The following HDAC2 variants were observed in gnomAD, a reference collection of about 807,000 sequenced individuals.
The protein encoded by HDAC2 is histone deacetylase 2, also known as YY1-associated factor 1.
A neutral mutation model predicts 68.5 loss-of-function variants in HDAC2; 5 were observed. The observed-to-expected ratio is 0.07, with a 90% CI of 0.04 to 0.15. The LOEUF is 0.15. Ranked by LOEUF, HDAC2 falls within the 10% of genes least tolerant of loss-of-function variation. The pLI is 1.00. For missense variants in HDAC2, 291 were observed against 600.8 expected (o/e 0.48, Z 5.39); for synonymous variants, 182 against 191.3 (o/e 0.95, Z 0.40).
In HDAC2 at chr6:113,937,651, C is replaced by A. The variant is rs1405716041; in HGVS notation, c.*3407G>T. The A allele has an allele frequency of 6.6e-6, 1 of 152,306 alleles. No homozygotes were observed. Among genetic ancestry groups the A allele is most frequent in the Non-Finnish European group, 1.5e-5 (1 of 68,170 alleles). 9.4% of individuals were successfully genotyped at this position (152,306 alleles called of 1,614,324 possible). A position where few individuals can be genotyped will look rare whatever the true frequency, so the allele number is the denominator to read the frequency against. On this transcript the variant is annotated 3_prime_UTR_variant, in exon 14 of 14. Coordinates refer to ENST00000519065, the MANE Select transcript of HDAC2 (RefSeq NM_001527.4). ...TCGCTTGAGCCTAGGAGTTTGTGACCAGCCTGGGCAACACAGGGAGACACC... is the reference window on the plus strand; with the variant it reads ...TCGCTTGAGCCTAGGAGTTTGTGACAAGCCTGGGCAACACAGGGAGACACC...
intron 1 of HDAC2, among the ~76,000 whole-genome samples, chr6:113,962,777 CATT>C (rs1253874350): frequency 2.6e-5 from 4 of 151,594 alleles, no homozygotes; most frequent in Admixed American, 2.0e-4. Context: ...TCCTGACAAA[CATT>C]GTGAAACCCC....
intron 1 of HDAC2, 51 bp from the exon 2 acceptor site, chr6:113,960,069 G>A: frequency 3.4e-6 from 3 of 880,644 alleles, no homozygotes; most frequent in Non-Finnish European, 3.8e-6. Flanking sequence ...GACCCTCCAT[G>A]AACTATTTGA....
At chr6:113,941,238 A>T (rs1317391662) in intron 13 of HDAC2, 150 bp from the exon 14 acceptor site, 1 of 489,148 alleles carries the variant, frequency 2.0e-6, no homozygotes, top group Non-Finnish European at 3.5e-6. Flanking sequence ...TTAATGCCTT[A>T]ATTTTTCTAG....
rs1006901584 is a variant in HDAC2, at chr6:113,938,287, C to T, written c.*2771G>A. ...TATGTATTTGTTTCCCAGTTCACAT[C>T]CTTATACATTTTGTTCCTCTACTAT... On this transcript the variant is annotated 3_prime_UTR_variant, in exon 14 of 14. Transcript: ENST00000519065. 7.2e-5 allele frequency: 11 copies of T among 152,334 alleles called. No individual in the cohort carries two copies. Among genetic ancestry groups the T allele is most frequent in the African/African-American group, 2.6e-4 (11 of 41,580 alleles). 9.4% of individuals were successfully genotyped at this position (152,334 alleles called of 1,614,324 possible).
At chr6:113,955,154 T>C (rs1197347803) in intron 5 of HDAC2, among the ~76,000 whole-genome samples, 3 of 152,208 alleles carry the variant, frequency 2.0e-5, no homozygotes, top group Non-Finnish European at 4.4e-5. Context: ...AAAATGAAAA[T>C]TGCCAAACTA....
At position 113,945,484 on chromosome 6, in the gene HDAC2, T is replaced by C. The variant is rs1056245188; in HGVS notation, c.983-14A>G. 2 of 1,184,936 alleles carry C rather than the reference T, an allele frequency of 1.7e-6. No individual in the cohort carries two copies. The highest frequency in any genetic ancestry group is 2.5e-6 in the Non-Finnish European group (2 of 791,464). 73.4% of individuals were successfully genotyped at this position (1,184,936 alleles called of 1,614,324 possible). A position where few individuals can be genotyped will look rare whatever the true frequency, so the allele number is the denominator to read the frequency against. On this transcript the variant is annotated splice_polypyrimidine_tract_variant and intron_variant, in intron 9 of 13. Transcript: ENST00000519065. Reference sequence around the variant, plus strand: ...TATATGGCAACTCTAATGAAAACAATAAAATAAAGTTACATATTACAAGCT... The same window carrying C: ...TATATGGCAACTCTAATGAAAACAACAAAATAAAGTTACATATTACAAGCT...
At position 113,935,390 on chromosome 6, in the gene HDAC2, C is replaced by T. The variant is rs921223506; in HGVS notation, c.*5668G>A. 5.3e-5 allele frequency: 8 copies of T among 152,180 alleles called. No homozygotes were observed. The highest frequency in any genetic ancestry group is 4.6e-4 in the Admixed American group (7 of 15,278). The allele number at this position is 152,180 out of a possible 1,614,324, so 9.4% of individuals were successfully genotyped here. On this transcript the variant is annotated 3_prime_UTR_variant, in exon 14 of 14. Transcript: ENST00000519065. ...CTCTTTTACTTTAGGAATTGCCTGT[C>T]CGTACTTTCCTTTAAAAGTTTTACC...
chr6:113,950,069 T>C (rs537398381), intron 6 of HDAC2, among the ~76,000 whole-genome samples: 1 of 152,080 alleles, frequency 6.6e-6, no homozygotes, highest in South Asian at 2.1e-4. Flanking sequence ...GCGTGAGCTA[T>C]GGTGCCCAGC....
rs1239153189 is a variant in HDAC2, at chr6:113,971,124, A to G, written c.-216T>C. 2 of 1,531,958 alleles carry G rather than the reference A, an allele frequency of 1.3e-6. No homozygotes were observed. Among genetic ancestry groups the G allele is most frequent in the African/African-American group, 1.4e-5 (1 of 72,448 alleles). 94.9% of individuals were successfully genotyped at this position (1,531,958 alleles called of 1,614,324 possible). On this transcript the variant is annotated 5_prime_UTR_variant, in exon 1 of 14. Coordinates refer to ENST00000519065, the MANE Select transcript of HDAC2 (RefSeq NM_001527.4). The stretch of plus-strand genomic sequence containing the variant: ...CCGAAAGCTCGGAATCGGAGGTGGC[A>G]GCGGCACCAACTCGCGAGGAGGGGG...
At chr6:113,959,108 C>G (rs1232990347) in intron 2 of HDAC2, among the ~76,000 whole-genome samples, 5 of 152,020 alleles carry the variant, frequency 3.3e-5, no homozygotes, top group African/African-American at 1.2e-4. Context: ...GTGATTTCAT[C>G]AATGAAATCA....
chr6:113,954,607 ACAGT>A (rs771565598), intron 5 of HDAC2, among the ~76,000 whole-genome samples: 5 of 152,242 alleles, frequency 3.3e-5, no homozygotes, highest in Non-Finnish European at 7.3e-5. Flanking sequence ...ACCAACATCA[ACAGT>A]CAATTAAAAA....
intron 12 of HDAC2, among the ~76,000 whole-genome samples, chr6:113,942,637 T>C (rs1419944329): frequency 2.6e-5 from 4 of 152,154 alleles, no homozygotes; most frequent in South Asian, 2.1e-4. Flanking sequence ...CTGTGTTCCC[T>C]AGCCATGAGC....
In HDAC2 at chr6:113,956,677, A is replaced by G. The variant is rs963969521; in HGVS notation, c.300T>C (p.Asp100=). 6.2e-7 allele frequency: 1 copy of G among 1,612,126 alleles called. No homozygotes were observed. The highest frequency in any genetic ancestry group is 8.5e-7 in the Non-Finnish European group (1 of 1,178,300). ...KQMQRFNVGE[D]CPVFDGLFEF... ...CAAAGAGTCCATCAAACACTGGACA[A>G]TCTTCTCCAACATTAACTGTGGAAG... Residue 100 remains aspartate (D), a synonymous_variant, in exon 4 of 14, where the codon GAT becomes GAC. Transcript: ENST00000519065.
Position 113,935,572 on chromosome 6 carries a change from T to C in HDAC2, c.*5486A>G, listed in dbSNP as rs1775983918. On this transcript the variant is annotated 3_prime_UTR_variant, in exon 14 of 14. Coordinates refer to ENST00000519065, the MANE Select transcript of HDAC2 (RefSeq NM_001527.4). The stretch of plus-strand genomic sequence containing the variant: ...AAAAATCCACAACACAAAAACAGAT[T>C]AGAGTCTTCTTTGTTCAACTCACTC... 6.6e-6 allele frequency: 1 copy of C among 152,182 alleles called. No homozygotes were observed. Among genetic ancestry groups the C allele is most frequent in the Non-Finnish European group, 1.5e-5 (1 of 68,028 alleles). The allele number at this position is 152,182 out of a possible 1,614,324, so 9.4% of individuals were successfully genotyped here. A position where few individuals can be genotyped will look rare whatever the true frequency, so the allele number is the denominator to read the frequency against.
chr6:113,956,375 C>T (rs1776554700), intron 4 of HDAC2: 2 of 566,476 alleles, frequency 3.5e-6, no homozygotes, highest in East Asian at 5.7e-5. Context: ...GTGGTAGTAA[C>T]AATGATACCT....
chr6:113,944,270 A>G lies in HDAC2; in HGVS notation c.1222+10T>C. 5.0e-6 allele frequency: 8 copies of G among 1,607,422 alleles called. No individual in the cohort carries two copies. The highest frequency in any genetic ancestry group is 6.8e-6 in the Non-Finnish European group (8 of 1,174,154). ...TTTGACAAATTGGAAAAATAAAGGC[A>G]TTATCTTACTAGAAATTCTCTTGTC... On this transcript the variant is annotated intron_variant, in intron 11 of 13. Coordinates refer to ENST00000519065, the MANE Select transcript of HDAC2 (RefSeq NM_001527.4).
intron 1 of HDAC2, among the ~76,000 whole-genome samples, chr6:113,966,854 C>T (rs1329012105): frequency 6.6e-6 from 1 of 152,134 alleles, no homozygotes; most frequent in Non-Finnish European, 1.5e-5. Context: ...AGGAAAATTT[C>T]AGTCTTATTT....
At chr6:113,958,240 AAG>A (rs1256390523) in intron 3 of HDAC2, among the ~76,000 whole-genome samples, 4 of 152,218 alleles carry the variant, frequency 2.6e-5, no homozygotes, top group South Asian at 4.1e-4. Flanking sequence ...AACAAAGAAA[AAG>A]AGATGTGTAT....
rs1268688095 is a variant in HDAC2, at chr6:113,970,981, C to T, written c.-73G>A. The T allele has an allele frequency of 5.1e-6, 8 of 1,569,326 alleles. No homozygotes were observed. The highest frequency in any genetic ancestry group is 2.7e-5 in the African/African-American group (2 of 74,020). On this transcript the variant is annotated 5_prime_UTR_variant, in exon 1 of 14. Transcript: ENST00000519065. Reference sequence around the variant, plus strand: ...TGCTGCTGCTGCTGCCGCCGCGGCTCGGCCGGGAGAGAAAAGGGCTGAGGG... The same window carrying T: ...TGCTGCTGCTGCTGCCGCCGCGGCTTGGCCGGGAGAGAAAAGGGCTGAGGG...
Sources: allele counts gnomAD v4.1 joint callset (sites outside exome capture counted in the v4.1 genomes callset), GRCh38; gene constraint gnomAD v4.1.1; transcripts MANE v1.5; gene names NCBI Gene and HGNC (gene_info 2026-07-23, HGNC 2026-07-21).